BICRAL: variants seen among roughly 807,000 people sequenced by gnomAD.
BICRAL encodes the protein BICRA like chromatin remodeling complex associated protein.
In BICRAL, 8 loss-of-function variants were observed where a neutral mutation model predicts 91.8. The ratio of observed to expected loss-of-function variants is 0.09; its 90% confidence interval spans 0.05 to 0.16. BICRAL has a LOEUF of 0.16. Ranked by LOEUF, BICRAL falls within the 10% of genes least tolerant of loss-of-function variation. BICRAL has a pLI of 1.00. For synonymous variants in BICRAL, 445 were observed against 491.1 expected (o/e 0.91, Z 1.24); for missense variants, 1,038 against 1,310.9 (o/e 0.79, Z 3.21).
Position 42,865,590 on chromosome 6 carries a change from C to G in BICRAL, c.*144C>G. On this transcript the variant is annotated 3_prime_UTR_variant, in exon 13 of 13. Coordinates refer to ENST00000314073, the MANE Select transcript of BICRAL (RefSeq NM_001393499.1). ...GATCTTTCATCACAGGTTATTCTTT[C>G]TAATCTCAATCCTGTTCTTTGTTTA... 3 of 604,304 alleles carry G rather than the reference C, an allele frequency of 5.0e-6. No homozygotes were observed. Among genetic ancestry groups the G allele is most frequent in the Non-Finnish European group, 8.9e-6 (3 of 337,476 alleles). 37.4% of individuals were successfully genotyped at this position (604,304 alleles called of 1,614,324 possible).
At chr6:42,810,000 T>C (rs1230092700) in intron 1 of BICRAL, among the ~76,000 whole-genome samples, 1 of 152,102 alleles carries the variant, frequency 6.6e-6, no homozygotes, top group Non-Finnish European at 1.5e-5. Context: ...TTGGCCAGAC[T>C]TGTCTCGAAC....
Position 42,857,143 on chromosome 6 carries a change from A to C in BICRAL, c.2161A>C (p.Ser721Arg), listed in dbSNP as rs1318406400. Residue 721 changes from serine to arginine, a missense_variant, in exon 10 of 13, where the codon AGT becomes CGT. Physicochemically the swap from Ser to Arg is moderately radical, Grantham distance 110. This residue lies in a region of BICRAL where 532 missense variants were observed against 724.9 expected (regional missense o/e 0.73). Coordinates refer to ENST00000314073, the MANE Select transcript of BICRAL (RefSeq NM_001393499.1). ...DQAHTVTPDK[S>R]HFRSLSDAVQ... ...AGCCCACACTGTGACACCAGACAAA[A>C]GTCACTTCCGATCACTAAGTGATGC... is the stretch of plus-strand genomic sequence containing the variant. 1 of 1,613,624 alleles carries C rather than the reference A, an allele frequency of 6.2e-7. No individual in the cohort carries two copies. Among genetic ancestry groups the C allele is most frequent in the African/African-American group, 1.3e-5 (1 of 74,898 alleles).
intron 6 of BICRAL, among the ~76,000 whole-genome samples, chr6:42,843,992 C>T (rs1242034257): frequency 2.1e-5 from 3 of 142,956 alleles, no homozygotes; most frequent in East Asian, 4.2e-4. Flanking sequence ...TTAGTAGAGA[C>T]GGGGTTTCAT....
intron 6 of BICRAL, among the ~76,000 whole-genome samples, chr6:42,842,634 C>T (rs184822814): frequency 2.0e-4 from 30 of 152,260 alleles, no homozygotes; most frequent in African/African-American, 7.2e-4. Context: ...CCACCCAAAG[C>T]CCCTAGAAAA....
chr6:42,772,142 C>T (rs954767724), intron 1 of BICRAL, among the ~76,000 whole-genome samples: 6 of 152,070 alleles, frequency 3.9e-5, no homozygotes, highest in African/African-American at 1.4e-4. Flanking sequence ...AGTCCTTTAC[C>T]AAGTGCCTAA....
intron 6 of BICRAL, among the ~76,000 whole-genome samples, chr6:42,842,600 A>T (rs930069861): frequency 6.6e-6 from 1 of 152,072 alleles, no homozygotes; most frequent in Non-Finnish European, 1.5e-5. Context: ...TTCCCTGTTT[A>T]AATTCTTCCC....
rs1436162536 is a variant in BICRAL, at chr6:42,812,086, C to T, written c.-6+1685C>T. Among the ~76,000 whole-genome samples, 6 of 152,138 alleles carry T rather than the reference C, an allele frequency of 3.9e-5. No homozygotes were observed. The South Asian group carries it at 8.3e-4, about 21-fold the overall frequency. ...CATCCAATAAAAAAATGACCAGGCA[C>T]GCAAATTTGGGACCAACCACAACAA... On this transcript the variant is annotated intron_variant, in intron 2 of 12. Coordinates refer to ENST00000314073, the MANE Select transcript of BICRAL (RefSeq NM_001393499.1).
At chr6:42,774,467 G>A (rs892896364) in intron 1 of BICRAL, among the ~76,000 whole-genome samples, 6 of 152,174 alleles carry the variant, frequency 3.9e-5, no homozygotes, top group Non-Finnish European at 7.3e-5. Context: ...ACCAGGCCGC[G>A]TGCGAAATAT....
intron 1 of BICRAL, among the ~76,000 whole-genome samples, chr6:42,786,805 T>G (rs571859458): frequency 1.4e-4 from 21 of 152,246 alleles, no homozygotes; most frequent in Admixed American, 3.3e-4. Context: ...GGGAACAAGT[T>G]CAAAGACCTG....
At position 42,799,718 on chromosome 6, in the gene BICRAL, A is replaced by G. The variant is rs1426000577; in HGVS notation, c.-101-10588A>G. On this transcript the variant is annotated intron_variant, in intron 1 of 12. Transcript: ENST00000314073. ...CACATGGCATTTCTTAGGATTTATT[A>G]AAGATTTCAGTAGATAGAAGTTTAT... 2.6e-5 allele frequency among the ~76,000 whole-genome samples: 4 copies of G among 152,218 alleles called. No homozygotes were observed. In the East Asian group the frequency reaches 7.7e-4, roughly 29 times the overall value.
At chr6:42,766,139 C>G (rs189449632) in intron 1 of BICRAL, among the ~76,000 whole-genome samples, 133 of 152,272 alleles carry the variant, frequency 8.7e-4, no homozygotes, top group Non-Finnish European at 1.5e-3. Context: ...AGCCACCATG[C>G]CCAGCCTTCC....
At chr6:42,845,198 T>TTG (rs1764963842) in intron 6 of BICRAL, among the ~76,000 whole-genome samples, 1 of 12,752 alleles carries the variant, frequency 7.8e-5, no homozygotes. Context: ...TTTGGGTGTT[T>TTG]TTTTTTTTTT....
chr6:42,771,865 G>A (rs1285233397), intron 1 of BICRAL, among the ~76,000 whole-genome samples: 1 of 151,890 alleles, frequency 6.6e-6, no homozygotes, highest in East Asian at 1.9e-4. Context: ...AATTAGACAC[G>A]AGCAAAAGCA....
At chr6:42,838,192 A>G (rs1016067810) in intron 6 of BICRAL, among the ~76,000 whole-genome samples, 2 of 152,198 alleles carry the variant, frequency 1.3e-5, no homozygotes, top group African/African-American at 4.8e-5. Flanking sequence ...AATTTCTTCC[A>G]TTTGGCCTAA....
chr6:42,838,579 C>G (rs111449276), intron 6 of BICRAL, among the ~76,000 whole-genome samples: 3 of 152,094 alleles, frequency 2.0e-5, no homozygotes, highest in African/African-American at 7.2e-5. Flanking sequence ...ATGCCTCTCA[C>G]CTGAATATTA....
intron 1 of BICRAL, among the ~76,000 whole-genome samples, chr6:42,783,267 C>T (rs977313944): frequency 7.9e-5 from 12 of 151,928 alleles, no homozygotes; most frequent in African/African-American, 2.4e-4. Flanking sequence ...CCCAGCCGCG[C>T]GGAGGACCGG....
chr6:42,757,429 T>C (rs1419642406), intron 1 of BICRAL, among the ~76,000 whole-genome samples: 1 of 152,100 alleles, frequency 6.6e-6, no homozygotes, highest in Non-Finnish European at 1.5e-5. Context: ...ATTTTTTGTA[T>C]TTTTACTAGA....
chr6:42,794,184 T>A (rs961673146), intron 1 of BICRAL, among the ~76,000 whole-genome samples: 6 of 152,008 alleles, frequency 3.9e-5, no homozygotes, highest in Admixed American at 3.3e-4. Flanking sequence ...CTAGCTACTA[T>A]AAATCTGACT....
intron 6 of BICRAL, among the ~76,000 whole-genome samples, chr6:42,842,865 T>C (rs560152514): frequency 1.3e-5 from 2 of 151,642 alleles, no homozygotes; most frequent in African/African-American, 2.4e-5. Flanking sequence ...TATTTTTTTT[T>C]TTTTTTTAGA....
Sources: allele counts gnomAD v4.1 joint callset (sites outside exome capture counted in the v4.1 genomes callset), GRCh38; gene constraint gnomAD v4.1.1; regional missense constraint gnomAD v4.1.1; transcripts MANE v1.5; gene names NCBI Gene and HGNC (gene_info 2026-07-23, HGNC 2026-07-21).